The following PTPRN2 variants were observed in gnomAD, a reference collection of about 807,000 sequenced individuals.
PTPRN2 encodes protein tyrosine phosphatase receptor type N2, also known as receptor-type tyrosine-protein phosphatase N2.
Under a neutral mutation model 118.8 loss-of-function variants are expected in PTPRN2, and 74 were observed. That is an observed-to-expected ratio of 0.62 (90% CI 0.52 to 0.76). The LOEUF is 0.76. PTPRN2 is among the 30% of genes least tolerant of loss of function. PTPRN2 has a pLI of 0.00. For synonymous variants in PTPRN2, 641 were observed against 608.0 expected (o/e 1.05, Z -0.80); for missense variants, 1,481 against 1,394.4 (o/e 1.06, Z -0.99).
In PTPRN2 at chr7:158,270,862, CTGGA is replaced by C. The variant is rs1563068089; in HGVS notation, c.277+45953_277+45956del. 1.2e-3 allele frequency among the ~76,000 whole-genome samples: 84 copies of C among 71,396 alleles called. 8 individuals carry two copies. The highest frequency in any genetic ancestry group is 8.6e-3 in the Middle Eastern group (1 of 116). The allele number at this position is 71,396 out of a possible 152,430, so 46.8% of individuals were successfully genotyped here. A position where few individuals can be genotyped will look rare whatever the true frequency, so the allele number is the denominator to read the frequency against. On this transcript the variant is annotated intron_variant, in intron 3 of 22. Coordinates refer to ENST00000389418, the MANE Select transcript of PTPRN2 (RefSeq NM_002847.5). The stretch of plus-strand genomic sequence containing the variant: ...CCCCTCACCTGGACCGCCCCCCCAC[CTGGA>C]CCGCCCCCTCCACCTGGATGACCCC...
At chr7:158,379,773 T>G (rs1272187667) in intron 2 of PTPRN2, among the ~76,000 whole-genome samples, 1 of 152,194 alleles carries the variant, frequency 6.6e-6, no homozygotes, top group Non-Finnish European at 1.5e-5. Flanking sequence ...GTATTAGTCC[T>G]TTTTCATGCT....
chr7:158,472,301 G>A (rs924671381), intron 2 of PTPRN2, among the ~76,000 whole-genome samples: 1 of 152,180 alleles, frequency 6.6e-6, no homozygotes, highest in Non-Finnish European at 1.5e-5. Context: ...GAAGACGCCC[G>A]ATCAGTGTGG....
intron 2 of PTPRN2, among the ~76,000 whole-genome samples, chr7:158,407,362 G>A (rs1396838485): frequency 2.0e-5 from 2 of 100,464 alleles, no homozygotes; most frequent in African/African-American, 7.4e-5. Flanking sequence ...TGGGTCCTGC[G>A]TCCTGGGTCC....
intron 11 of PTPRN2, among the ~76,000 whole-genome samples, chr7:158,060,397 C>T (rs536000133): frequency 1.1e-4 from 17 of 152,362 alleles, no homozygotes; most frequent in Admixed American, 5.2e-4. Flanking sequence ...CTCACTGTCT[C>T]GCCGTGTGTG....
At chr7:158,460,437 A>G (rs1818899286) in intron 2 of PTPRN2, among the ~76,000 whole-genome samples, 1 of 148,894 alleles carries the variant, frequency 6.7e-6, no homozygotes, top group South Asian at 2.1e-4. Context: ...ATGGGACTCT[A>G]TCTACAAGTT....
chr7:157,915,449 C>T (rs1351253038), intron 11 of PTPRN2, among the ~76,000 whole-genome samples: 2 of 147,704 alleles, frequency 1.4e-5, no homozygotes, highest in Non-Finnish European at 3.0e-5. Flanking sequence ...CCCCCACCCC[C>T]GCCTTCCCCG....
chr7:157,867,765 G>A (rs1003221989), intron 12 of PTPRN2, among the ~76,000 whole-genome samples: 2 of 152,272 alleles, frequency 1.3e-5, no homozygotes, highest in African/African-American at 4.8e-5. Context: ...GGCAGAAAGA[G>A]TGAGGGTCCC....
chr7:157,835,088 G>A (rs1021154540), intron 12 of PTPRN2, among the ~76,000 whole-genome samples: 1 of 152,152 alleles, frequency 6.6e-6, no homozygotes, highest in Non-Finnish European at 1.5e-5. Context: ...GAAGATAAAA[G>A]CCAGCAACCA....
At chr7:158,404,741 C>G (rs1477001459) in intron 2 of PTPRN2, among the ~76,000 whole-genome samples, 1 of 140,860 alleles carries the variant, frequency 7.1e-6, no homozygotes, top group Non-Finnish European at 1.5e-5. Context: ...CCCCAGCTCT[C>G]CGGCTTCCAG....
intron 2 of PTPRN2, among the ~76,000 whole-genome samples, chr7:158,378,984 A>G (rs1264419289): frequency 1.3e-5 from 2 of 152,214 alleles, no homozygotes; most frequent in Non-Finnish European, 2.9e-5. Context: ...TTGACAGTGC[A>G]TCTGCACGCA....
chr7:158,052,660 T>G (rs1809424819), intron 11 of PTPRN2, among the ~76,000 whole-genome samples: 1 of 150,148 alleles, frequency 6.7e-6, no homozygotes, highest in Admixed American at 6.6e-5. Flanking sequence ...TCGGACCTCC[T>G]GGAGAGGGTA....
At position 157,682,825 on chromosome 7, in the gene PTPRN2, C is replaced by T. The variant is rs771062413; in HGVS notation, c.1901G>A (p.Gly634Asp). ...ACILGVLLAS[G>D]LIYCLRHSSQ... ...GCTATGGCGGAGGCAGTAGATGAGG[C>T]CAGAGGCCAGGAGGACGCCCAGGAT... The change falls in exon 13 of 23, where the codon GGC (glycine) becomes GAC (aspartate). Residue 634 changes from glycine (G) to aspartate (D), a missense_variant. Transcript: ENST00000389418. The T allele has an allele frequency of 6.2e-6, 10 of 1,614,034 alleles. No homozygotes were observed. The highest frequency in any genetic ancestry group is 6.8e-6 in the Non-Finnish European group (8 of 1,180,014).
chr7:157,855,871 C>G (rs560063602), intron 12 of PTPRN2: 5 of 152,236 alleles, frequency 3.3e-5, no homozygotes, highest in Admixed American at 2.0e-4. Flanking sequence ...GGACAGCCAC[C>G]CAACTGCACG....
chr7:158,072,079 G>A (rs1219969962), intron 11 of PTPRN2, among the ~76,000 whole-genome samples: 3 of 130,060 alleles, frequency 2.3e-5, no homozygotes, highest in Admixed American at 7.6e-5. Context: ...AGGTGCTCGT[G>A]GTGGTGGAGG....
intron 11 of PTPRN2, among the ~76,000 whole-genome samples, chr7:157,996,386 C>T (rs749558678): frequency 3.9e-5 from 6 of 152,222 alleles, no homozygotes; most frequent in Admixed American, 2.0e-4. Flanking sequence ...AACAGATCCA[C>T]GTAGTAAGAC....
intron 1 of PTPRN2, among the ~76,000 whole-genome samples, chr7:158,543,975 AG>A (rs1826139336): frequency 6.6e-6 from 1 of 152,174 alleles, no homozygotes; most frequent in Non-Finnish European, 1.5e-5. Context: ...CTCCCTCCAA[AG>A]GGTCCAAAAA....
At chr7:157,809,887 C>T (rs76131000) in intron 12 of PTPRN2, among the ~76,000 whole-genome samples, 1 of 152,184 alleles carries the variant, frequency 6.6e-6, no homozygotes, top group African/African-American at 2.4e-5. Context: ...GGGCCCTGCC[C>T]ATGGGATGGA....
At chr7:158,099,815 A>C (rs1209805132) in intron 10 of PTPRN2, among the ~76,000 whole-genome samples, 1 of 16,502 alleles carries the variant, frequency 6.1e-5, no homozygotes, top group African/African-American at 2.7e-4. Flanking sequence ...TCCTCCCCCC[A>C]ACACATCCCG....
intron 12 of PTPRN2, among the ~76,000 whole-genome samples, chr7:157,752,014 C>T (rs909563911): frequency 6.6e-6 from 1 of 152,160 alleles, no homozygotes; most frequent in Non-Finnish European, 1.5e-5. Context: ...GATTTCTTGA[C>T]CCCTGAGGGT....
Sources: allele counts gnomAD v4.1 joint callset (sites outside exome capture counted in the v4.1 genomes callset), GRCh38; gene constraint gnomAD v4.1.1; transcripts MANE v1.5; gene names NCBI Gene and HGNC (gene_info 2026-07-23, HGNC 2026-07-21).